The following TLL2 variants were observed in gnomAD, a reference collection of about 807,000 sequenced individuals.
TLL2 encodes tolloid like 2, also known as tolloid-like protein 2.
In TLL2, 106 loss-of-function variants were observed where a neutral mutation model predicts 123.0. That is an observed-to-expected ratio of 0.86 (90% CI 0.74 to 1.01). TLL2 has a LOEUF of 1.01. Among genes scored for constraint, TLL2 ranks in the 50% least tolerant of loss-of-function variants. The pLI is 0.00. For synonymous variants in TLL2, 494 were observed against 516.8 expected (o/e 0.96, Z 0.60); for missense variants, 1,332 against 1,336.7 (o/e 1.00, Z 0.06).
In TLL2 at chr10:96,366,844, C is replaced by T. The variant is rs1055545231; in HGVS notation, c.*1244G>A. 5 of 152,640 alleles carry T rather than the reference C, an allele frequency of 3.3e-5. No homozygotes were observed. Among genetic ancestry groups the T allele is most frequent in the African/African-American group, 9.7e-5 (4 of 41,442 alleles). The allele number at this position is 152,640 out of a possible 1,614,324, so 9.5% of individuals were successfully genotyped here. ...ACCACAGCTTTTAGCTCATAATGCC[C>T]ATAGATGCCTTAATGAAATGCCATT... On this transcript the variant is annotated 3_prime_UTR_variant, in exon 21 of 21. Transcript: ENST00000357947.
intron 1 of TLL2, among the ~76,000 whole-genome samples, chr10:96,490,672 C>T (rs1223540171): frequency 6.6e-6 from 1 of 152,188 alleles, no homozygotes; most frequent in Non-Finnish European, 1.5e-5. Context: ...TGAGTTATGT[C>T]TATGGATTCG....
chr10:96,490,156 T>C (rs893784110), intron 1 of TLL2, among the ~76,000 whole-genome samples: 4 of 152,144 alleles, frequency 2.6e-5, no homozygotes, highest in African/African-American at 7.2e-5. Flanking sequence ...ACAACCTTGA[T>C]GACAAAAATG....
intron 17 of TLL2, among the ~76,000 whole-genome samples, chr10:96,377,988 C>T (rs368819635): frequency 2.0e-5 from 3 of 152,336 alleles, no homozygotes; most frequent in East Asian, 1.9e-4. Context: ...GGTCCTGGCC[C>T]GGGCCCATCT....
At chr10:96,480,623 G>A (rs1388303888) in intron 1 of TLL2, among the ~76,000 whole-genome samples, 164 bp from the exon 2 acceptor site, 1 of 152,180 alleles carries the variant, frequency 6.6e-6, no homozygotes, top group East Asian at 1.9e-4. Flanking sequence ...GGTGGAGGCA[G>A]AGGAACAGCA....
At chr10:96,471,032 C>T (rs1322406320) in intron 2 of TLL2, among the ~76,000 whole-genome samples, 1 of 152,042 alleles carries the variant, frequency 6.6e-6, no homozygotes, top group African/African-American at 2.4e-5. Context: ...CAAAGTTTTG[C>T]TCTGTTGCCC....
chr10:96,433,964 GGGGTTTCATCAT>G (rs1286469646), intron 3 of TLL2, among the ~76,000 whole-genome samples: 1 of 152,052 alleles, frequency 6.6e-6, no homozygotes, highest in Non-Finnish European at 1.5e-5. Context: ...TACTAGAGAT[GGGGTTTCATCAT>G]GTTGACCAGG....
At chr10:96,438,281 T>A (rs968861333) in intron 3 of TLL2, among the ~76,000 whole-genome samples, 4 of 152,218 alleles carry the variant, frequency 2.6e-5, no homozygotes, top group African/African-American at 9.6e-5. Flanking sequence ...CTGTCTTGAT[T>A]TTTTTCAGCA....
In TLL2 at chr10:96,397,289, G is replaced by A. The variant is rs182404641; in HGVS notation, c.1281C>T (p.Gly427=). The part of the protein sequence containing the change: ...RKAPLLGRFC[G]DKIPEPLVST... The stretch of plus-strand genomic sequence containing the variant: ...AGACGAGGGGCTCCGGGATCTTATC[G>A]CCACAAAACCTGCCTGGAAAGTGGA... Residue 427 remains glycine, a synonymous_variant, in exon 11 of 21, where the codon GGC becomes GGT. Coordinates refer to ENST00000357947, the MANE Select transcript of TLL2 (RefSeq NM_012465.4). 4.7e-5 allele frequency: 76 copies of A among 1,612,644 alleles called. No individual in the cohort carries two copies. Among genetic ancestry groups the A allele is most frequent in the African/African-American group, 3.3e-4 (25 of 74,828 alleles).
At chr10:96,504,972 C>T (rs1358747242) in intron 1 of TLL2, among the ~76,000 whole-genome samples, 1 of 152,210 alleles carries the variant, frequency 6.6e-6, no homozygotes, top group Admixed American at 6.5e-5. Flanking sequence ...CGCACCGCTG[C>T]ACTCCAGCCT....
chr10:96,480,375 G>T lies in TLL2; in HGVS notation c.260C>A (p.Thr87Lys), dbSNP rs754994522. 4 of 1,614,194 alleles carry T rather than the reference G, an allele frequency of 2.5e-6. No individual in the cohort carries two copies. In the Admixed American group the frequency reaches 6.7e-5, roughly 27 times the overall value. Residue 87 changes from threonine to lysine, a missense_variant, in exon 2 of 21, where the codon ACA (threonine) becomes AAA (lysine). By Grantham distance (78) the Thr-to-Lys change is moderately conservative. Transcript: ENST00000357947. ...IDKARDWTKQ[T>K]VGATGHSTGG... is the part of the protein sequence containing the mutation. ...TGTGCTGTGTCCTGTTGCCCCCACTGTCTGCTTGGTCCAGTCTCTGGCTTT... is the reference window on the plus strand; with the variant it reads ...TGTGCTGTGTCCTGTTGCCCCCACTTTCTGCTTGGTCCAGTCTCTGGCTTT...
At chr10:96,446,005 T>C in intron 3 of TLL2, 86 bp downstream of exon 3, 2 of 1,368,266 alleles carry the variant, frequency 1.5e-6, no homozygotes, top group South Asian at 1.2e-5. Flanking sequence ...GGGTATGCTT[T>C]AAAATGGTAA....
At chr10:96,421,701 G>T (rs1019998447) in intron 6 of TLL2, among the ~76,000 whole-genome samples, 4 of 151,534 alleles carry the variant, frequency 2.6e-5, no homozygotes, top group African/African-American at 7.3e-5. Flanking sequence ...GCTGGGCGTG[G>T]TGGTGGGTGC....
chr10:96,513,442 G>C lies in TLL2; in HGVS notation c.175+69C>G, dbSNP rs371950934. On this transcript the variant is annotated intron_variant, in intron 1 of 20. Coordinates refer to ENST00000357947, the MANE Select transcript of TLL2 (RefSeq NM_012465.4). ...ACCCGCCCCATAGACGGTAGTGCAG[G>C]CTTGCCCACCACCTCATTTGCATTT... 1.3e-5 allele frequency: 21 copies of C among 1,595,396 alleles called. No homozygotes were observed. The South Asian group carries it at 2.3e-4, about 18-fold the overall frequency.
chr10:96,399,908 G>GTC (rs1239412561), intron 10 of TLL2, among the ~76,000 whole-genome samples: 1 of 152,338 alleles, frequency 6.6e-6, no homozygotes, highest in Middle Eastern at 3.4e-3. Context: ...TAGACAGCCT[G>GTC]TCTCTGCTGA....
Position 96,424,070 on chromosome 10 carries a change from A to G in TLL2, c.639-1343T>C, listed in dbSNP as rs563271106. 9.8e-5 allele frequency among the ~76,000 whole-genome samples: 15 copies of G among 152,330 alleles called. No individual in the cohort carries two copies. In the South Asian group the frequency reaches 1.2e-3, roughly 13 times the overall value. On this transcript the variant is annotated intron_variant, in intron 5 of 20. Coordinates refer to ENST00000357947, the MANE Select transcript of TLL2 (RefSeq NM_012465.4). The stretch of plus-strand genomic sequence containing the variant: ...CGCCAGGCACAGAAAGACAAACATC[A>G]TATGTTCTCACTTATTTGTGGTAGC...
intron 18 of TLL2, among the ~76,000 whole-genome samples, chr10:96,374,965 G>C (rs75813714): frequency 1.2e-4 from 7 of 56,798 alleles, no homozygotes; most frequent in Admixed American, 5.8e-4. Context: ...TAGTTGCGGG[G>C]GGGGGGGGGG....
chr10:96,369,676 G>A (rs999685955), intron 20 of TLL2, among the ~76,000 whole-genome samples: 12 of 150,314 alleles, frequency 8.0e-5, no homozygotes, highest in African/African-American at 2.7e-4. Flanking sequence ...CAGGAGAATC[G>A]CATGAACTCA....
chr10:96,422,636 G>A lies in TLL2; in HGVS notation c.730C>T (p.Leu244=). ...TGCCAAAACCCAACCACATGGCCCA[G>A]CTCGTGAGCCACAATGCCAAACTTG... ...CDKFGIVAHE[L]GHVVGFWHEH... The change falls in exon 6 of 21, where the codon CTG becomes TTG. Residue 244 remains leucine, a synonymous_variant. Transcript: ENST00000357947. 6.2e-7 allele frequency: 1 copy of A among 1,614,210 alleles called. No homozygotes were observed. The highest frequency in any genetic ancestry group is 8.5e-7 in the Non-Finnish European group (1 of 1,180,042).
intron 3 of TLL2, among the ~76,000 whole-genome samples, chr10:96,433,437 G>A (rs1032917929): frequency 4.6e-5 from 7 of 152,156 alleles, no homozygotes; most frequent in African/African-American, 7.2e-5. Context: ...AAGAAAAACC[G>A]TGGGAAAAGC....
Sources: gnomAD v4.1 joint callset for allele counts (sites outside exome capture counted in the v4.1 genomes callset) on GRCh38, gnomAD v4.1.1 for gene constraint, MANE v1.5 for transcripts, NCBI Gene and HGNC (gene_info 2026-07-23, HGNC 2026-07-21) for gene names.